Variants in DNAH11 observed in about 807,000 individuals in gnomAD.
DNAH11 encodes dynein axonemal heavy chain 11.
DNAH11 carries 442 observed loss-of-function variants against 526.0 expected under a neutral mutation model. That is an observed-to-expected ratio of 0.84 (90% CI 0.78 to 0.91). DNAH11 has a LOEUF of 0.91. DNAH11 is among the 40% of genes least tolerant of loss of function. DNAH11 has a pLI of 0.00. For missense variants in DNAH11, 6,989 were observed against 5,448.7 expected, an observed-to-expected ratio of 1.28 and a Z score of -8.90; for synonymous variants, 2,461 against 1,935.9, an observed-to-expected ratio of 1.27 and a Z score of -7.12.
rs1423695072 is a variant in DNAH11, at chr7:21,720,729, T to A, written c.7139T>A (p.Leu2380Gln). 1 of 1,569,166 alleles carries A rather than the reference T, an allele frequency of 6.4e-7. No individual in the cohort carries two copies. The highest frequency in any genetic ancestry group is 1.9e-5 in the Admixed American group (1 of 52,448). The change falls in exon 44 of 82, where the codon CTA (leucine) becomes CAA (glutamine). Residue 2380 changes from leucine (L) to glutamine (Q), a missense_variant. Physicochemically the swap from Leu to Gln is moderately radical, Grantham distance 113 (BLOSUM62 -2). Coordinates refer to ENST00000409508, the MANE Select transcript of DNAH11 (RefSeq NM_001277115.2). ...TGACTATTTCTTTTTCTTTAGACTC[T>A]ATGTGTTCTTTTGGAGTGCTTGCTG... ...SIPESSLVQT[L>Q]CVLLECLLTP...
Position 21,884,375 on chromosome 7 carries a change from C to T in DNAH11, c.12472C>T (p.Arg4158Trp), listed in dbSNP as rs1351456737. The T allele has an allele frequency of 2.0e-5, 32 of 1,612,560 alleles. No individual in the cohort carries two copies. Among genetic ancestry groups the T allele is most frequent in the East Asian group, 2.2e-5 (1 of 44,828 alleles). Residue 4158 changes from arginine (R) to tryptophan (W), a missense_variant, in exon 76 of 82, where the codon CGG becomes TGG. By Grantham distance (101) the Arg-to-Trp change is moderately radical. Transcript: ENST00000409508. Reference protein sequence around the residue: ...ITDDWDRKLCRVYLEEFMNPS... With the variant: ...ITDDWDRKLCWVYLEEFMNPS... ...AGATGACTGGGATCGCAAACTGTGT[C>T]GGGTGTATTTAGAAGAATTCATGAA...
intron 2 of DNAH11, among the ~76,000 whole-genome samples, chr7:21,553,954 C>T (rs931964426): frequency 6.6e-6 from 1 of 151,922 alleles, no homozygotes; most frequent in African/African-American, 2.4e-5. Flanking sequence ...CAAAGTTAAC[C>T]TTCAAAAGGC....
chr7:21,667,386 G>A (rs967738285), intron 30 of DNAH11, among the ~76,000 whole-genome samples: 1 of 152,090 alleles, frequency 6.6e-6, no homozygotes, highest in Non-Finnish European at 1.5e-5. Flanking sequence ...CTGCATGCAC[G>A]CATCTCTATT....
chr7:21,704,636 G>C lies in DNAH11; in HGVS notation c.6468+8G>C, dbSNP rs772306989. The C allele has an allele frequency of 3.8e-6, 6 of 1,583,056 alleles. No homozygotes were observed. Among genetic ancestry groups the C allele is most frequent in the Non-Finnish European group, 4.3e-6 (5 of 1,171,230 alleles). On this transcript the variant is annotated splice_region_variant and intron_variant, in intron 38 of 81. Coordinates refer to ENST00000409508, the MANE Select transcript of DNAH11 (RefSeq NM_001277115.2). ...GAGAGCTTCATCCTCAAAGTAAAAG[G>C]AGCATTTGCTTTTCATGGCAGCTGT...
intron 18 of DNAH11, among the ~76,000 whole-genome samples, chr7:21,602,990 C>T (rs1369072330): frequency 6.6e-6 from 1 of 152,032 alleles, no homozygotes; most frequent in Non-Finnish European, 1.5e-5. Context: ...AAATTTTCAT[C>T]ACTCCCAGAA....
intron 8 of DNAH11, among the ~76,000 whole-genome samples, chr7:21,581,348 G>A (rs1229896222): frequency 6.6e-6 from 1 of 152,184 alleles, no homozygotes; most frequent in East Asian, 1.9e-4. Flanking sequence ...ACGCTAATAA[G>A]AAACTGGGAA....
chr7:21,588,837 A>G (rs1005509293), intron 11 of DNAH11, among the ~76,000 whole-genome samples: 2 of 152,092 alleles, frequency 1.3e-5, no homozygotes, highest in East Asian at 1.9e-4. Flanking sequence ...ATATGCTTAC[A>G]TGTTTTCTGG....
At chr7:21,846,791 T>G (rs1393494445) in intron 66 of DNAH11, among the ~76,000 whole-genome samples, 1 of 152,154 alleles carries the variant, frequency 6.6e-6, no homozygotes, top group Non-Finnish European at 1.5e-5. Flanking sequence ...TTGATACTAT[T>G]TCTCCCTTAA....
At chr7:21,820,585 G>A (rs1790010680) in intron 65 of DNAH11, among the ~76,000 whole-genome samples, 1 of 152,142 alleles carries the variant, frequency 6.6e-6, no homozygotes, top group Non-Finnish European at 1.5e-5. Flanking sequence ...TGGGTGGAGA[G>A]TCTGTGTTGG....
intron 42 of DNAH11, among the ~76,000 whole-genome samples, chr7:21,715,380 C>A (rs17274454): frequency 8.5e-5 from 13 of 152,300 alleles, no homozygotes. Flanking sequence ...TAGGAGGACT[C>A]ATTTGCAAAT....
chr7:21,589,329 G>T lies in DNAH11; in HGVS notation c.2095G>T (p.Glu699Ter). Residue 699 changes from glutamate to a stop codon, truncating the protein, a stop_gained, in exon 12 of 82, where the codon GAA becomes TAA. Transcript: ENST00000409508. LOFTEE classifies it high-confidence loss of function. The stretch of plus-strand genomic sequence containing the variant: ...GAAAAGTAATGTGGATGAAATCTGT[G>T]AATTCAATTTGAATCAACCCTTGGT... ...EWKSNVDEIC[E>*]FNLNQPLVKF... The T allele has an allele frequency of 6.2e-7, 1 of 1,609,978 alleles. No individual in the cohort carries two copies. Among genetic ancestry groups the T allele is most frequent in the Non-Finnish European group, 8.5e-7 (1 of 1,178,356 alleles).
At chr7:21,797,649 A>G (rs1788778671) in intron 61 of DNAH11, among the ~76,000 whole-genome samples, 1 of 152,260 alleles carries the variant, frequency 6.6e-6, no homozygotes, top group African/African-American at 2.4e-5. Flanking sequence ...GCTCAAATCA[A>G]CAATTAGACA....
intron 22 of DNAH11, among the ~76,000 whole-genome samples, chr7:21,616,860 G>A (rs1056726672): frequency 2.0e-5 from 3 of 152,038 alleles, no homozygotes; most frequent in Non-Finnish European, 4.4e-5. Flanking sequence ...GAGCATCTTT[G>A]GATAAAGGCA....
At chr7:21,683,606 C>T (rs187265622) in intron 31 of DNAH11, among the ~76,000 whole-genome samples, 178 bp from the exon 32 acceptor site, 10 of 152,224 alleles carry the variant, frequency 6.6e-5, no homozygotes, top group African/African-American at 1.4e-4. Context: ...ACTTATTACA[C>T]GCATATTTCT....
At chr7:21,842,330 A>C (rs189997826) in intron 65 of DNAH11, among the ~76,000 whole-genome samples, 3 of 152,214 alleles carry the variant, frequency 2.0e-5, no homozygotes, top group Non-Finnish European at 4.4e-5. Context: ...ATTATTGTCA[A>C]TATTTCACAT....
chr7:21,854,442 A>G lies in DNAH11; in HGVS notation c.11189A>G (p.Gln3730Arg). Residue 3730 changes from glutamine to arginine, a missense_variant, in exon 68 of 82, where the codon CAA becomes CGA. Gln to Arg is a conservative substitution (Grantham distance 43). Coordinates refer to ENST00000409508, the MANE Select transcript of DNAH11 (RefSeq NM_001277115.2). ...CTCCAAAAAATCAACCCCCTCTACC[A>G]ATTCTCTTTGAAGGTAATGCTGAAT... ...NDLQKINPLY[Q>R]FSLKAFNVLF... 6.2e-7 allele frequency: 1 copy of G among 1,613,652 alleles called. No individual in the cohort carries two copies. Among genetic ancestry groups the G allele is most frequent in the Non-Finnish European group, 8.5e-7 (1 of 1,179,750 alleles).
intron 30 of DNAH11, among the ~76,000 whole-genome samples, chr7:21,672,615 C>A (rs62445270): frequency 0.063 from 9,531 of 152,264 alleles, 329 homozygotes; most frequent in African/African-American, 0.075. Flanking sequence ...TGCAGAGTGG[C>A]CTCTTCCAGC....
intron 48 of DNAH11, among the ~76,000 whole-genome samples, chr7:21,741,316 A>G (rs1785884196): frequency 1.3e-5 from 2 of 152,180 alleles, no homozygotes; most frequent in Admixed American, 1.3e-4. Flanking sequence ...TGGTCACTGT[A>G]TGAATGCATC....
At chr7:21,863,279 T>C (rs991420832) in intron 69 of DNAH11, among the ~76,000 whole-genome samples, 1 of 152,216 alleles carries the variant, frequency 6.6e-6, no homozygotes, top group African/African-American at 2.4e-5. Flanking sequence ...CAGCTAATGA[T>C]GAACTGTGTA....
Sources: allele counts gnomAD v4.1 joint callset (sites outside exome capture counted in the v4.1 genomes callset), GRCh38; gene constraint gnomAD v4.1.1; transcripts MANE v1.5; gene names NCBI Gene and HGNC (gene_info 2026-07-23, HGNC 2026-07-21).